FAM174A: variants seen among roughly 807,000 people sequenced by gnomAD.
FAM174A encodes the protein family with sequence similarity 174 member A, also known as membrane protein FAM174A.
FAM174A carries 14 observed loss-of-function variants against 14.3 expected under a neutral mutation model. That is an observed-to-expected ratio of 0.98 (90% CI 0.65 to 1.53). FAM174A has a LOEUF of 1.53. Ranked by LOEUF, FAM174A falls within the 40% of genes most tolerant of loss-of-function variation. The probability of loss-of-function intolerance (pLI) is 0.00; values close to 1 mark genes in which losing one functional copy is unlikely to be tolerated. For missense variants in FAM174A, 241 were observed against 249.6 expected (o/e 0.97, Z 0.23); for synonymous variants, 108 against 111.4 (o/e 0.97, Z 0.19).
intron 1 of FAM174A, 55 bp from the exon 2 acceptor site, chr5:100,561,993 AATAAAT>A (rs1746531421): frequency 2.2e-6 from 2 of 911,506 alleles, no homozygotes; most frequent in African/African-American, 1.8e-5. Context: ...TTATTTTATA[AATAAAT>A]ATAAACTATG....
intron 2 of FAM174A, among the ~76,000 whole-genome samples, chr5:100,568,335 C>G (rs1168595507): frequency 2.0e-5 from 3 of 151,800 alleles, no homozygotes; most frequent in African/African-American, 7.3e-5. Flanking sequence ...TTGGATTCAG[C>G]CTTGAAATCA....
intron 1 of FAM174A, among the ~76,000 whole-genome samples, chr5:100,539,180 T>C (rs1746003326): frequency 6.6e-6 from 1 of 152,142 alleles, no homozygotes; most frequent in African/African-American, 2.4e-5. Context: ...AAATTTATTA[T>C]GATAGCCTTT....
At chr5:100,585,013 C>T (rs549412822) in intron 2 of FAM174A, among the ~76,000 whole-genome samples, 2 of 152,122 alleles carry the variant, frequency 1.3e-5, no homozygotes, top group East Asian at 1.9e-4. Context: ...AGAAACTATG[C>T]GAGAATCATG....
chr5:100,558,501 T>C (rs905187843), intron 1 of FAM174A, among the ~76,000 whole-genome samples: 1 of 152,152 alleles, frequency 6.6e-6, no homozygotes, highest in Non-Finnish European at 1.5e-5. Context: ...CTTTTTAACT[T>C]TCTGTCTGGT....
Position 100,535,778 on chromosome 5 carries a change from A to G in FAM174A, c.248A>G (p.Asn83Ser). The change falls in exon 1 of 3, where the codon AAT becomes AGT. Residue 83 changes from asparagine to serine, a missense_variant. Physicochemically the swap from Asn to Ser is conservative, Grantham distance 46. Coordinates refer to ENST00000312637, the MANE Select transcript of FAM174A (RefSeq NM_198507.3). ...AAGPRGSEGG[N>S]GSNPVAGLET... ...GGGCCGCGGGGCTCCGAGGGAGGCA[A>G]TGGCAGCAACCCTGTGGCCGGGCTT... is the stretch of plus-strand genomic sequence containing the variant. 1 of 1,606,982 alleles carries G rather than the reference A, an allele frequency of 6.2e-7. No individual in the cohort carries two copies. Among genetic ancestry groups the G allele is most frequent in the Non-Finnish European group, 8.5e-7 (1 of 1,178,942 alleles).
At chr5:100,549,024 A>G (rs954453907) in intron 1 of FAM174A, among the ~76,000 whole-genome samples, 1 of 152,118 alleles carries the variant, frequency 6.6e-6, no homozygotes. Flanking sequence ...CTCTGTATTT[A>G]TATATACGTA....
At chr5:100,567,537 G>A (rs571012369) in intron 2 of FAM174A, among the ~76,000 whole-genome samples, 1 of 151,720 alleles carries the variant, frequency 6.6e-6, no homozygotes, top group East Asian at 1.9e-4. Flanking sequence ...AATTATTTTT[G>A]TCTGGAAATA....
At chr5:100,572,859 G>A (rs1024063693) in intron 2 of FAM174A, among the ~76,000 whole-genome samples, 13 of 152,078 alleles carry the variant, frequency 8.5e-5, no homozygotes, top group African/African-American at 2.7e-4. Flanking sequence ...CTAGTTTACA[G>A]TCCCACCAAC....
At position 100,538,235 on chromosome 5, in the gene FAM174A, C is replaced by T. The variant is rs116630155; in HGVS notation, c.434+2271C>T. On this transcript the variant is annotated intron_variant, in intron 1 of 2. Transcript: ENST00000312637. The stretch of plus-strand genomic sequence containing the variant: ...ATCTTGGTGAATGCTCATTTTGGCT[C>T]CCATTTTCAAACTATGTGTGACAGT... Among the ~76,000 whole-genome samples, 336 of 152,096 alleles carry T rather than the reference C, an allele frequency of 2.2e-3. 3 individuals are homozygous for T. The highest frequency in any genetic ancestry group is 7.8e-3 in the African/African-American group (323 of 41,496).
At chr5:100,552,546 T>C (rs1746285453) in intron 1 of FAM174A, among the ~76,000 whole-genome samples, 1 of 152,104 alleles carries the variant, frequency 6.6e-6, no homozygotes, top group African/African-American at 2.4e-5. Flanking sequence ...ATCAGGTGCA[T>C]ATATCAGGCT....
intron 2 of FAM174A, among the ~76,000 whole-genome samples, chr5:100,574,458 G>T (rs568016275): frequency 1.6e-4 from 24 of 152,230 alleles, no homozygotes; most frequent in African/African-American, 5.5e-4. Context: ...AAAGTGCTGG[G>T]ATTACAGATG....
At position 100,573,159 on chromosome 5, in the gene FAM174A, G is replaced by A. The variant is rs1217241721; in HGVS notation, c.569+10971G>A. On this transcript the variant is annotated intron_variant, in intron 2 of 2. Coordinates refer to ENST00000312637, the MANE Select transcript of FAM174A (RefSeq NM_198507.3). ...TGTAGATTCTGGATATTAGCCCTTTGTCAGTTGAGTAGGTTGCGAAAATTT... is the reference window on the plus strand; with the variant it reads ...TGTAGATTCTGGATATTAGCCCTTTATCAGTTGAGTAGGTTGCGAAAATTT... Among the ~76,000 whole-genome samples the A allele has an allele frequency of 2.0e-5, 3 of 152,088 alleles. No individual in the cohort carries two copies. The East Asian group carries it at 5.8e-4, about 29-fold the overall frequency.
chr5:100,540,361 A>G (rs537642591), intron 1 of FAM174A, among the ~76,000 whole-genome samples: 15 of 152,256 alleles, frequency 9.9e-5, no homozygotes, highest in Admixed American at 8.5e-4. Context: ...CTCTGTGATG[A>G]GGGTTAGTAG....
intron 2 of FAM174A, among the ~76,000 whole-genome samples, chr5:100,585,878 T>G (rs115953858): frequency 3.5e-3 from 540 of 152,322 alleles, no homozygotes; most frequent in African/African-American, 0.012. Context: ...TATACTCAAG[T>G]CAACTAAAGT....
At chr5:100,558,633 G>A (rs1746451574) in intron 1 of FAM174A, among the ~76,000 whole-genome samples, 1 of 152,048 alleles carries the variant, frequency 6.6e-6, no homozygotes, top group Non-Finnish European at 1.5e-5. Context: ...TGTATTGGGT[G>A]CATATATATT....
intron 1 of FAM174A, among the ~76,000 whole-genome samples, chr5:100,546,909 G>C (rs991657014): frequency 2.6e-5 from 4 of 151,664 alleles, no homozygotes; most frequent in Non-Finnish European, 5.9e-5. Flanking sequence ...TTGTTTTCTT[G>C]TGATCTACTA....
chr5:100,562,198 C>G lies in FAM174A; in HGVS notation c.569+10C>G. 6.4e-7 allele frequency: 1 copy of G among 1,564,556 alleles called. No individual in the cohort carries two copies. ...CCAATCATCCTCGAAGGTAAGTATT[C>G]CAGTAGTTTAATTCCATGAATCAGG... On this transcript the variant is annotated intron_variant, in intron 2 of 2. Coordinates refer to ENST00000312637, the MANE Select transcript of FAM174A (RefSeq NM_198507.3).
chr5:100,544,277 G>C (rs576643738), intron 1 of FAM174A, among the ~76,000 whole-genome samples: 13 of 152,212 alleles, frequency 8.5e-5, no homozygotes, highest in African/African-American at 3.1e-4. Flanking sequence ...TGAATCACTG[G>C]AGTCCAGGAA....
intron 2 of FAM174A, among the ~76,000 whole-genome samples, chr5:100,585,738 A>G (rs1348679462): frequency 6.6e-6 from 1 of 152,104 alleles, no homozygotes; most frequent in Admixed American, 6.6e-5. Context: ...TAAACTATGT[A>G]GTTCATTGTA....
Sources: gnomAD v4.1 joint callset for allele counts (sites outside exome capture counted in the v4.1 genomes callset) on GRCh38, gnomAD v4.1.1 for gene constraint, MANE v1.5 for transcripts, NCBI Gene and HGNC (gene_info 2026-07-23, HGNC 2026-07-21) for gene names.